Variants in NDST4 observed in about 807,000 individuals in gnomAD.
The protein encoded by NDST4 is N-heparan sulfate sulfotransferase 4.
Under a neutral mutation model 100.8 loss-of-function variants are expected in NDST4, and 63 were observed. That is an observed-to-expected ratio of 0.62 (90% CI 0.51 to 0.77). NDST4 has a LOEUF of 0.77. Among genes scored for constraint, NDST4 ranks in the 30% least tolerant of loss-of-function variants. The pLI is 0.00. For missense variants in NDST4, 943 were observed against 1,018.4 expected (o/e 0.93, Z 1.01); for synonymous variants, 377 against 361.8 (o/e 1.04, Z -0.48).
intron 1 of NDST4, among the ~76,000 whole-genome samples, chr4:115,086,730 C>T (rs984505891): frequency 2.0e-5 from 3 of 151,988 alleles, no homozygotes; most frequent in African/African-American, 4.8e-5. Context: ...TGCCTATTCA[C>T]CATTTTCTTA....
intron 2 of NDST4, among the ~76,000 whole-genome samples, chr4:114,989,081 A>G (rs1276494827): frequency 6.6e-6 from 1 of 152,146 alleles, no homozygotes; most frequent in Non-Finnish European, 1.5e-5. Context: ...TTTAAAGTCT[A>G]ATTATGATGC....
Position 115,105,576 on chromosome 4 carries a change from C to T in NDST4, c.-247+7868G>A, listed in dbSNP as rs1297562397. On this transcript the variant is annotated intron_variant, in intron 1 of 13. Transcript: ENST00000264363. The stretch of plus-strand genomic sequence containing the variant: ...GGTGGGCCAAGTGCTCATTCTAAAA[C>T]CTTTGTCCATACTTCTTATAGTGCG... 3.9e-5 allele frequency among the ~76,000 whole-genome samples: 6 copies of T among 152,220 alleles called. 1 individual carries two copies. The highest frequency in any genetic ancestry group is 3.9e-4 in the East Asian group (2 of 5,166).
intron 2 of NDST4, among the ~76,000 whole-genome samples, chr4:115,031,104 G>A (rs74537616): frequency 0.053 from 8,025 of 152,082 alleles, 633 homozygotes; most frequent in African/African-American, 0.17. Context: ...TAAAAGAAAT[G>A]TATTCCCTTT....
chr4:115,055,071 C>T (rs1312344400), intron 2 of NDST4, among the ~76,000 whole-genome samples: 2 of 152,072 alleles, frequency 1.3e-5, no homozygotes, highest in Non-Finnish European at 2.9e-5. Flanking sequence ...CAGCCTTAGA[C>T]TCTCATAGGG....
chr4:114,853,843 A>T (rs1019910580), intron 7 of NDST4, among the ~76,000 whole-genome samples: 2 of 152,024 alleles, frequency 1.3e-5, no homozygotes, highest in African/African-American at 4.8e-5. Context: ...TTATGGCTAC[A>T]TAGTGGGTAT....
intron 2 of NDST4, among the ~76,000 whole-genome samples, chr4:115,048,959 G>A (rs1453507563): frequency 1.3e-5 from 2 of 152,104 alleles, no homozygotes; most frequent in African/African-American, 4.8e-5. Flanking sequence ...ATTTTTGTGC[G>A]TGCAGTAAAT....
chr4:115,076,281 G>A lies in NDST4; in HGVS notation c.756C>T (p.Leu252=). 1.2e-6 allele frequency: 2 copies of A among 1,614,006 alleles called. No homozygotes were observed. The highest frequency in any genetic ancestry group is 1.7e-6 in the Non-Finnish European group (2 of 1,179,936). ...CCAGATCCTGAATCACCGTTGCAAA[G>A]AGTGTTTTGCTAGACAAGGATGACA... ...KSLSSLSSKT[L]FATVIQDLGL... Residue 252 remains leucine (L), a synonymous_variant, in exon 2 of 14, where the codon CTC becomes CTT. Coordinates refer to ENST00000264363, the MANE Select transcript of NDST4 (RefSeq NM_022569.3).
intron 6 of NDST4, among the ~76,000 whole-genome samples, chr4:114,910,975 G>A (rs1725050051): frequency 1.3e-5 from 2 of 151,978 alleles, no homozygotes; most frequent in Admixed American, 6.5e-5. Context: ...CTTTGCAATA[G>A]CCTCCTAATT....
At chr4:114,960,417 C>T (rs1726235323) in intron 4 of NDST4, among the ~76,000 whole-genome samples, 1 of 151,598 alleles carries the variant, frequency 6.6e-6, no homozygotes, top group Non-Finnish European at 1.5e-5. Flanking sequence ...ACCAGCCTGG[C>T]CAACATGGTG....
chr4:114,904,412 G>A (rs1724907797), intron 6 of NDST4, among the ~76,000 whole-genome samples: 1 of 151,832 alleles, frequency 6.6e-6, no homozygotes, highest in Non-Finnish European at 1.5e-5. Context: ...TATTAGTAAT[G>A]TAATTGATAT....
At chr4:114,978,704 CT>C (rs557915303) in intron 2 of NDST4, among the ~76,000 whole-genome samples, 4,284 of 150,126 alleles carry the variant, frequency 0.029, 137 homozygotes, top group African/African-American at 0.073. Context: ...CCTTTTCTGG[CT>C]TTTTTTTTGG....
intron 7 of NDST4, among the ~76,000 whole-genome samples, chr4:114,869,300 G>A (rs951200262): frequency 2.6e-5 from 4 of 151,680 alleles, no homozygotes; most frequent in Non-Finnish European, 4.4e-5. Context: ...TAGCGCTGGA[G>A]GCCATTGAAG....
intron 2 of NDST4, among the ~76,000 whole-genome samples, chr4:115,055,142 A>C (rs1728666747): frequency 6.6e-6 from 1 of 152,160 alleles, no homozygotes; most frequent in Non-Finnish European, 1.5e-5. Flanking sequence ...CCTTATGAGA[A>C]TCTAATGCCT....
At chr4:115,008,880 T>C (rs1398092981) in intron 2 of NDST4, among the ~76,000 whole-genome samples, 2 of 122,652 alleles carry the variant, frequency 1.6e-5, no homozygotes, top group Non-Finnish European at 3.3e-5. Flanking sequence ...AACATTCTTA[T>C]ACACCAATAA....
At chr4:115,081,103 A>G (rs532811201) in intron 1 of NDST4, among the ~76,000 whole-genome samples, 19 of 152,168 alleles carry the variant, frequency 1.2e-4, no homozygotes, top group Admixed American at 1.1e-3. Context: ...ATAAATTAAA[A>G]AAAAAACCAT....
intron 6 of NDST4, among the ~76,000 whole-genome samples, chr4:114,891,963 G>C (rs1287905533): frequency 6.6e-6 from 1 of 151,962 alleles, no homozygotes; most frequent in Non-Finnish European, 1.5e-5. Flanking sequence ...ATACCTTCAA[G>C]ACCAACTTAT....
chr4:114,853,541 T>C (rs1723725609), intron 7 of NDST4, among the ~76,000 whole-genome samples: 1 of 152,334 alleles, frequency 6.6e-6, no homozygotes, highest in East Asian at 1.9e-4. Flanking sequence ...CATTACACTT[T>C]TGAGAATTAA....
chr4:115,007,648 T>C (rs981570415), intron 2 of NDST4, among the ~76,000 whole-genome samples: 1 of 70,430 alleles, frequency 1.4e-5, no homozygotes, highest in East Asian at 5.3e-4. Context: ...CCAAGGAAGG[T>C]TGGGAGAAAT....
intron 2 of NDST4, among the ~76,000 whole-genome samples, chr4:115,030,301 G>A (rs1728087554): frequency 6.6e-6 from 1 of 152,150 alleles, no homozygotes; most frequent in South Asian, 2.1e-4. Flanking sequence ...GTGATTAGAA[G>A]TGGTATCCAT....
Sources: gnomAD v4.1 joint callset for allele counts (sites outside exome capture counted in the v4.1 genomes callset) on GRCh38, gnomAD v4.1.1 for gene constraint, MANE v1.5 for transcripts, NCBI Gene and HGNC (gene_info 2026-07-23, HGNC 2026-07-21) for gene names.